P3H2: variants seen among roughly 807,000 people sequenced by gnomAD.
The protein encoded by P3H2 is leprecan-like 1.
A neutral mutation model predicts 87.0 loss-of-function variants in P3H2; 80 were observed. The observed-to-expected ratio is 0.92, with a 90% confidence interval of 0.77 to 1.11. The LOEUF is 1.11. Among genes scored for constraint, P3H2 ranks in the 50% least tolerant of loss-of-function variants. The probability of loss-of-function intolerance (pLI) is 0.00; values close to 1 mark genes in which losing one functional copy is unlikely to be tolerated. For synonymous variants in P3H2, 367 were observed against 359.3 expected, an observed-to-expected ratio of 1.02 and a Z score of -0.24; for missense variants, 1,001 against 923.9, an observed-to-expected ratio of 1.08 and a Z score of -1.08.
intron 1 of P3H2, among the ~76,000 whole-genome samples, chr3:190,065,366 A>G (rs1325149234): frequency 6.6e-6 from 1 of 152,228 alleles, no homozygotes; most frequent in East Asian, 1.9e-4. Context: ...GATGAGTGTC[A>G]ATACCCAGGA....
intron 3 of P3H2, among the ~76,000 whole-genome samples, chr3:189,991,114 T>C (rs936657642): frequency 6.6e-6 from 1 of 152,144 alleles, no homozygotes; most frequent in African/African-American, 2.4e-5. Flanking sequence ...AAATACAAGA[T>C]CAAGTGTAGA....
rs3062112 is a variant in P3H2 at position 189,957,700 on chromosome 3, A to AAGAGAGAG, written c.*204_*211dup. On this transcript the variant is annotated 3_prime_UTR_variant, in exon 15 of 15. Transcript: ENST00000319332. Reference sequence around the variant, plus strand: ...AACATGGTTAGACCATGTCTCTAAGAAGAGAGAGAGAGAGAGAGAGAGAGA... The same window carrying AAGAGAGAG: ...AACATGGTTAGACCATGTCTCTAAGAAGAGAGAGAGAGAGAGAGAGAGAGAGAGAGAGA... 127,829 of 537,616 alleles carry AAGAGAGAG rather than the reference A, an allele frequency of 0.24. 6,284 individuals are homozygous for AAGAGAGAG. Among genetic ancestry groups the AAGAGAGAG allele is most frequent in the Non-Finnish European group, 0.26 (79,840 of 302,296 alleles). The allele number at this position is 537,616 out of a possible 1,614,324, so 33.3% of individuals were successfully genotyped here. A position where few individuals can be genotyped will look rare whatever the true frequency, so the allele number is the denominator to read the frequency against.
At chr3:190,104,615 C>A (rs1711760162) in intron 1 of P3H2, among the ~76,000 whole-genome samples, 3 of 152,126 alleles carry the variant, frequency 2.0e-5, no homozygotes, top group African/African-American at 7.2e-5. Flanking sequence ...GATTGCAAAG[C>A]CTCTATAAAT....
intron 1 of P3H2, among the ~76,000 whole-genome samples, chr3:190,068,787 T>C (rs1194711427): frequency 6.6e-6 from 1 of 152,156 alleles, no homozygotes; most frequent in Non-Finnish European, 1.5e-5. Context: ...TTGATCTACA[T>C]AATGTGTTTT....
At chr3:189,988,881 G>A (rs1723787986) in intron 4 of P3H2, 26 bp downstream of exon 4, 1 of 1,613,774 alleles carries the variant, frequency 6.2e-7, no homozygotes, top group African/African-American at 1.3e-5. Flanking sequence ...CCCCCAAGAA[G>A]TCTTCACGGA....
intron 1 of P3H2, among the ~76,000 whole-genome samples, chr3:189,998,192 A>G (rs1415035258): frequency 6.6e-6 from 1 of 152,168 alleles, no homozygotes; most frequent in Admixed American, 6.5e-5. Flanking sequence ...ATATAAGAGG[A>G]TAGAGTAGGT....
chr3:190,103,390 G>A (rs894279833), intron 1 of P3H2, among the ~76,000 whole-genome samples: 1 of 152,180 alleles, frequency 6.6e-6, no homozygotes, highest in Admixed American at 6.5e-5. Context: ...CTTAATCTGG[G>A]ACAATGGGTT....
At position 190,023,063 on chromosome 3, in the gene P3H2, C is replaced by G. The variant is rs537310091; in HGVS notation, c.481-27621G>C. On this transcript the variant is annotated intron_variant, in intron 1 of 14. Coordinates refer to ENST00000319332, the MANE Select transcript of P3H2 (RefSeq NM_018192.4). ...GGATGGTCTCGATCTCCTGACCTCA[C>G]GATCCGCCCGCCTTGGCCTCCCAAA... is the stretch of plus-strand genomic sequence containing the variant. Among the ~76,000 whole-genome samples, 251 of 152,128 alleles carry G rather than the reference C, an allele frequency of 1.6e-3. 1 individual carries two copies. Among genetic ancestry groups the G allele is most frequent in the African/African-American group, 5.9e-3 (245 of 41,504 alleles).
Position 190,120,597 on chromosome 3 carries a change from G to A in P3H2, c.135C>T (p.Asp45=), listed in dbSNP as rs773913866. The change falls in exon 1 of 15, where the codon GAC becomes GAT. Residue 45 remains aspartate, a synonymous_variant. Coordinates refer to ENST00000319332, the MANE Select transcript of P3H2 (RefSeq NM_018192.4). ...ELEPGPLQPF[D]LLYASGAAAY... ...CGGCCGCGCCGCTGGCGTAGAGCAG[G>A]TCGAAGGGCTGCAGAGGCCCGGGCT... 4.5e-6 allele frequency: 7 copies of A among 1,548,008 alleles called. No homozygotes were observed. The South Asian group carries it at 4.7e-5, about 10-fold the overall frequency.
chr3:190,103,926 G>A (rs1711731454), intron 1 of P3H2, among the ~76,000 whole-genome samples: 1 of 151,948 alleles, frequency 6.6e-6, no homozygotes, highest in African/African-American at 2.4e-5. Context: ...CAAGTAGCTG[G>A]GATTACAGGT....
rs1286341831 is a variant in P3H2, at chr3:189,972,380, TAA to T, written c.1700-375_1700-374del. On this transcript the variant is annotated intron_variant, in intron 11 of 14. Coordinates refer to ENST00000319332, the MANE Select transcript of P3H2 (RefSeq NM_018192.4). ...TAATTCAGCTAAAACTTCCCAAGTG[TAA>T]AAGTCTACTCCTATGACATCATTAT... is the stretch of plus-strand genomic sequence containing the variant. 8.5e-5 allele frequency among the ~76,000 whole-genome samples: 13 copies of T among 152,328 alleles called. No homozygotes were observed. The South Asian group carries it at 1.2e-3, about 15-fold the overall frequency.
At chr3:190,012,120 C>A (rs953496142) in intron 1 of P3H2, among the ~76,000 whole-genome samples, 1 of 151,704 alleles carries the variant, frequency 6.6e-6, no homozygotes, top group African/African-American at 2.4e-5. Flanking sequence ...GAAATTGGGA[C>A]AAATTATGCC....
chr3:190,045,336 C>G (rs1725766613), intron 1 of P3H2, among the ~76,000 whole-genome samples: 1 of 152,114 alleles, frequency 6.6e-6, no homozygotes, highest in Non-Finnish European at 1.5e-5. Flanking sequence ...CAGCTAAGAT[C>G]TCTAAACATT....
intron 1 of P3H2, among the ~76,000 whole-genome samples, chr3:190,062,118 C>G (rs1241318814): frequency 1.3e-5 from 2 of 152,090 alleles, no homozygotes; most frequent in East Asian, 3.9e-4. Flanking sequence ...AAAATTCTCC[C>G]CTAGCCTTCT....
intron 1 of P3H2, among the ~76,000 whole-genome samples, chr3:190,066,522 C>T (rs111361027): frequency 7.9e-5 from 12 of 152,102 alleles, no homozygotes; most frequent in African/African-American, 2.9e-4. Context: ...TAAAAGACTA[C>T]AAATTGGGTT....
At chr3:190,104,173 T>C (rs1163036269) in intron 1 of P3H2, among the ~76,000 whole-genome samples, 4 of 152,136 alleles carry the variant, frequency 2.6e-5, no homozygotes, top group African/African-American at 7.2e-5. Context: ...ATTATATTCA[T>C]CATCATCATC....
intron 1 of P3H2, among the ~76,000 whole-genome samples, chr3:190,073,346 T>G (rs572072264): frequency 6.6e-6 from 1 of 152,286 alleles, no homozygotes; most frequent in East Asian, 1.9e-4. Context: ...GTTCCACAGA[T>G]AAGAAGTGCT....
At chr3:189,986,901 G>T (rs917513291) in intron 5 of P3H2, 24 bp from the exon 6 acceptor site, 8 of 1,505,316 alleles carry the variant, frequency 5.3e-6, no homozygotes, top group Non-Finnish European at 7.4e-6. Context: ...AGTAAAGAAA[G>T]ACATTTTTTA....
Position 189,986,809 on chromosome 3 carries a change from C to T in P3H2, c.1167G>A (p.Leu389=), listed in dbSNP as rs370900757. 3.7e-6 allele frequency: 6 copies of T among 1,611,318 alleles called. No individual in the cohort carries two copies. Among genetic ancestry groups the T allele is most frequent in the Non-Finnish European group, 5.1e-6 (6 of 1,177,540 alleles). ...TTACCGGTTCAGTGTATGAAAACCC[C>T]AGACCTTCTGCAGCTGATTTTATCA... ...SELIKSAAEG[L]GFSYTEPNYW... Residue 389 remains leucine (L), a synonymous_variant, in exon 6 of 15, where the codon CTG becomes CTA. Transcript: ENST00000319332.
Sources: gnomAD v4.1 joint callset for allele counts (sites outside exome capture counted in the v4.1 genomes callset) on GRCh38, gnomAD v4.1.1 for gene constraint, MANE v1.5 for transcripts, NCBI Gene and HGNC (gene_info 2026-07-23, HGNC 2026-07-21) for gene names.